Variants in EDNRA observed in about 807,000 individuals in gnomAD.
The protein encoded by EDNRA is endothelin receptor type A.
A neutral mutation model predicts 41.4 loss-of-function variants in EDNRA; 11 were observed. The ratio of observed to expected loss-of-function variants is 0.27; its 90% confidence interval spans 0.17 to 0.44. EDNRA has a LOEUF of 0.44. Ranked by LOEUF, EDNRA falls within the 20% of genes least tolerant of loss-of-function variation. The pLI, the probability that EDNRA is intolerant of heterozygous loss-of-function variation, is 1.00. For missense variants in EDNRA, 294 were observed against 531.0 expected, an observed-to-expected ratio of 0.55 and a Z score of 4.39; for synonymous variants, 172 against 183.0, an observed-to-expected ratio of 0.94 and a Z score of 0.49.
chr4:147,506,152 T>A (rs1279404737), intron 2 of EDNRA: 7 of 528,138 alleles, frequency 1.3e-5, no homozygotes, highest in Non-Finnish European at 2.3e-5. Context: ...GTTGGGAAAC[T>A]GTGGATTGCC....
At chr4:147,526,832 C>G (rs1461584260) in intron 3 of EDNRA, among the ~76,000 whole-genome samples, 1 of 152,134 alleles carries the variant, frequency 6.6e-6, no homozygotes, top group Non-Finnish European at 1.5e-5. Context: ...CACCAATAGT[C>G]CCAGCTACTA....
intron 2 of EDNRA, among the ~76,000 whole-genome samples, chr4:147,501,124 A>C (rs139886674): frequency 2.0e-3 from 298 of 152,352 alleles, no homozygotes; most frequent in Admixed American, 5.8e-3. Context: ...AATGGCCCAG[A>C]AGAAAAAGCT....
At chr4:147,531,550 GATCCCTCCCATC>G (rs1306700597) in intron 3 of EDNRA, 1 of 152,072 alleles carries the variant, frequency 6.6e-6, no homozygotes, top group Non-Finnish European at 1.5e-5. Context: ...CAGCTTTCAT[GATCCCTCCCATC>G]CATCCAATTT....
At chr4:147,513,262 T>C (rs1437433129) in intron 2 of EDNRA, among the ~76,000 whole-genome samples, 1 of 152,204 alleles carries the variant, frequency 6.6e-6, no homozygotes, top group Non-Finnish European at 1.5e-5. Context: ...TCTGCTCTAC[T>C]CTGCATTTGT....
At chr4:147,508,196 T>C (rs958934957) in intron 2 of EDNRA, among the ~76,000 whole-genome samples, 9 of 152,162 alleles carry the variant, frequency 5.9e-5, no homozygotes, top group African/African-American at 2.2e-4. Context: ...TGAAGTGCAG[T>C]GGGGCAATCT....
chr4:147,483,577 T>G (rs1728844840), intron 1 of EDNRA, among the ~76,000 whole-genome samples: 1 of 152,252 alleles, frequency 6.6e-6, no homozygotes, highest in Admixed American at 6.5e-5. Flanking sequence ...GCAACTTGAA[T>G]AAATCTTATT....
intron 2 of EDNRA, chr4:147,490,769 G>A (rs1729110957): frequency 6.6e-6 from 1 of 152,190 alleles, no homozygotes; most frequent in Non-Finnish European, 1.5e-5. Flanking sequence ...ATTTTGAACA[G>A]AGTGGAAGCC....
At chr4:147,522,926 G>A (rs897085893) in intron 3 of EDNRA, among the ~76,000 whole-genome samples, 19 of 152,206 alleles carry the variant, frequency 1.2e-4, no homozygotes, top group Non-Finnish European at 1.8e-4. Flanking sequence ...ATACACGTAA[G>A]GTTTACAGTG....
chr4:147,542,599 A>C lies in EDNRA; in HGVS notation c.1265A>C (p.His422Pro), dbSNP rs763257382. 15 of 1,614,022 alleles carry C rather than the reference A, an allele frequency of 9.3e-6. No homozygotes were observed. In the Admixed American group the frequency reaches 2.0e-4, roughly 22 times the overall value. Residue 422 changes from histidine to proline, a missense_variant, in exon 8 of 8, where the codon CAT becomes CCT. By Grantham distance (77) the His-to-Pro change is moderately conservative. This residue lies in a region of EDNRA where 19 missense variants were observed against 17.4 expected (regional missense o/e 1.09). Coordinates refer to ENST00000651419, the MANE Select transcript of EDNRA (RefSeq NM_001957.4). ...QNNHNTDRSS[H>P]KDSMN ...AACCACAACACAGACCGGAGCAGCC[A>C]TAAGGACAGCATGAACTGACCACCC...
intron 2 of EDNRA, chr4:147,491,232 C>T (rs989079866): frequency 6.6e-6 from 1 of 152,202 alleles, no homozygotes; most frequent in African/African-American, 2.4e-5. Context: ...TCAAGACTCT[C>T]AATATGTTGC....
intron 3 of EDNRA, among the ~76,000 whole-genome samples, chr4:147,530,406 T>C (rs556571814): frequency 6.6e-6 from 1 of 152,336 alleles, no homozygotes; most frequent in African/African-American, 2.4e-5. Context: ...TTTATCCCAC[T>C]GGACAATTTA....
intron 3 of EDNRA, among the ~76,000 whole-genome samples, chr4:147,530,015 A>T (rs887514818): frequency 6.6e-6 from 1 of 152,184 alleles, no homozygotes; most frequent in Non-Finnish European, 1.5e-5. Flanking sequence ...AGACTCTAAA[A>T]ATGACTTCTA....
At position 147,521,119 on chromosome 4, in the gene EDNRA, A is replaced by G. The variant is rs1368283551; in HGVS notation, c.548+1141A>G. 2.6e-5 allele frequency among the ~76,000 whole-genome samples: 4 copies of G among 152,226 alleles called. No individual in the cohort carries two copies. In the South Asian group the frequency reaches 6.2e-4, roughly 24 times the overall value. ...CAAAAATACAAAAAATTAGCTGGAC[A>G]TGGTGATGCATGCCTGTAGTCCCAG... On this transcript the variant is annotated intron_variant, in intron 3 of 7. Coordinates refer to ENST00000651419, the MANE Select transcript of EDNRA (RefSeq NM_001957.4).
intron 2 of EDNRA, among the ~76,000 whole-genome samples, chr4:147,497,009 G>A (rs929296334): frequency 6.6e-6 from 1 of 151,990 alleles, no homozygotes; most frequent in Admixed American, 6.5e-5. Context: ...AACATAGATA[G>A]CTGCATACTA....
intron 2 of EDNRA, chr4:147,506,358 C>T (rs978214543): frequency 2.4e-5 from 10 of 414,848 alleles, no homozygotes; most frequent in African/African-American, 2.1e-4. Context: ...AATAGTGGTA[C>T]AAAGAACTGA....
intron 2 of EDNRA, chr4:147,489,637 G>A (rs1257306204): frequency 6.6e-6 from 1 of 152,188 alleles, no homozygotes; most frequent in Non-Finnish European, 1.5e-5. Flanking sequence ...TCATTAACCT[G>A]TGTAGCTGAT....
At chr4:147,504,062 A>G (rs528391018) in intron 2 of EDNRA, among the ~76,000 whole-genome samples, 3 of 152,320 alleles carry the variant, frequency 2.0e-5, no homozygotes, top group African/African-American at 7.2e-5. Flanking sequence ...GCTAAAACTC[A>G]TATCAGCTTC....
chr4:147,520,059 C>A, intron 3 of EDNRA, 81 bp downstream of exon 3: 1 of 1,515,664 alleles, frequency 6.6e-7, no homozygotes, highest in South Asian at 1.3e-5. Flanking sequence ...CAAGAGAATT[C>A]GTGCCCAGGA....
chr4:147,506,341 C>G, intron 2 of EDNRA: 2 of 423,154 alleles, frequency 4.7e-6, no homozygotes, highest in South Asian at 3.9e-5. Flanking sequence ...AAGCTGTCTT[C>G]GGAAGGAATA....
Sources: gnomAD v4.1 joint callset for allele counts (sites outside exome capture counted in the v4.1 genomes callset) on GRCh38, gnomAD v4.1.1 for gene constraint, gnomAD v4.1.1 regional missense constraint, MANE v1.5 for transcripts, NCBI Gene and HGNC (gene_info 2026-07-23, HGNC 2026-07-21) for gene names.